The following LEF1 variants were observed in gnomAD, a reference collection of about 807,000 sequenced individuals.
LEF1 encodes the protein lymphoid enhancer binding factor 1.
LEF1 carries 14 observed loss-of-function variants against 51.2 expected under a neutral mutation model. The ratio of observed to expected loss-of-function variants is 0.27; its 90% CI spans 0.18 to 0.43. The LOEUF is 0.43. LEF1 is among the 20% of genes least tolerant of loss of function. The pLI, the probability that LEF1 is intolerant of heterozygous loss-of-function variation, is 1.00. For synonymous variants in LEF1, 185 were observed against 183.2 expected, an observed-to-expected ratio of 1.01 and a Z score of -0.08; for missense variants, 386 against 512.0, an observed-to-expected ratio of 0.75 and a Z score of 2.37.
At chr4:108,112,160 C>T (rs1038932299) in intron 3 of LEF1, among the ~76,000 whole-genome samples, 1 of 152,188 alleles carries the variant, frequency 6.6e-6, no homozygotes, top group African/African-American at 2.4e-5. Flanking sequence ...TTGATACACA[C>T]TGTGTGGCTG....
At chr4:108,125,673 T>C (rs1742480527) in intron 3 of LEF1, among the ~76,000 whole-genome samples, 1 of 152,114 alleles carries the variant, frequency 6.6e-6, no homozygotes, top group African/African-American at 2.4e-5. Context: ...CAACTTTAAG[T>C]TCTAGAAAAA....
chr4:108,062,108 T>C (rs1378824732), intron 11 of LEF1, among the ~76,000 whole-genome samples: 1 of 152,180 alleles, frequency 6.6e-6, no homozygotes, highest in African/African-American at 2.4e-5. Context: ...ATATTCCCCT[T>C]TTCCAGGTAA....
chr4:108,111,006 A>G (rs542660386), intron 3 of LEF1, among the ~76,000 whole-genome samples: 2 of 152,208 alleles, frequency 1.3e-5, no homozygotes, highest in Non-Finnish European at 2.9e-5. Context: ...AAGATGACCT[A>G]ACAATTGGGT....
intron 3 of LEF1, among the ~76,000 whole-genome samples, chr4:108,093,126 G>C (rs1231356570): frequency 6.6e-6 from 1 of 152,022 alleles, no homozygotes; most frequent in Non-Finnish European, 1.5e-5. Flanking sequence ...TGGAAGCCGA[G>C]AAACAGAGGT....
intron 3 of LEF1, among the ~76,000 whole-genome samples, chr4:108,094,970 C>G (rs1032328006): frequency 2.0e-5 from 3 of 152,158 alleles, no homozygotes; most frequent in African/African-American, 7.2e-5. Flanking sequence ...AGATTTACTC[C>G]AAAAGGATAC....
At chr4:108,155,426 A>G (rs1348219905) in intron 3 of LEF1, among the ~76,000 whole-genome samples, 1 of 152,182 alleles carries the variant, frequency 6.6e-6, no homozygotes, top group Non-Finnish European at 1.5e-5. Flanking sequence ...ATTCCCCTGA[A>G]TTTTTATTTA....
intron 3 of LEF1, among the ~76,000 whole-genome samples, chr4:108,091,446 G>T (rs373043776): frequency 3.1e-4 from 5 of 16,328 alleles, no homozygotes; most frequent in Non-Finnish European, 5.4e-4. Flanking sequence ...AGAAACTTAC[G>T]GGGGGGGGAA....
intron 3 of LEF1, among the ~76,000 whole-genome samples, chr4:108,149,799 G>A (rs905462730): frequency 6.6e-6 from 1 of 151,670 alleles, no homozygotes; most frequent in African/African-American, 2.4e-5. Flanking sequence ...TTACAAAAAC[G>A]TTTGTATTAC....
In LEF1 at chr4:108,099,574, A is replaced by ATATGTGTG. The variant is rs1740644926; in HGVS notation, c.415-10318_415-10317insCACACATA. 8.8e-4 allele frequency among the ~76,000 whole-genome samples: 22 copies of ATATGTGTG among 24,934 alleles called. 2 individuals are homozygous for ATATGTGTG. Among genetic ancestry groups the ATATGTGTG allele is most frequent in the African/African-American group, 5.8e-3 (21 of 3,650 alleles). 16.4% of individuals were successfully genotyped at this position (24,934 alleles called of 152,430 possible). Reference sequence around the variant, plus strand: ...TGTGTGTATGTGTGTGTGTGTGTATATATATATATATATATATATATATAT... The same window carrying ATATGTGTG: ...TGTGTGTATGTGTGTGTGTGTGTATATATGTGTGTATATATATATATATATATATATAT... On this transcript the variant is annotated intron_variant, in intron 3 of 11. Transcript: ENST00000265165.
At chr4:108,052,737 G>A (rs927928534) in intron 11 of LEF1, among the ~76,000 whole-genome samples, 1 of 152,168 alleles carries the variant, frequency 6.6e-6, no homozygotes, top group African/African-American at 2.4e-5. Flanking sequence ...GTGCTGGGCT[G>A]TTCCCCAGGC....
In LEF1 at chr4:108,069,020, G is replaced by A. The variant is rs9999575; in HGVS notation, c.1116+1643C>T. 4.3e-3 allele frequency among the ~76,000 whole-genome samples: 660 copies of A among 152,270 alleles called. 3 individuals are homozygous for A. The highest frequency in any genetic ancestry group is 0.015 in the African/African-American group (626 of 41,554). On this transcript the variant is annotated intron_variant, in intron 9 of 11. Transcript: ENST00000265165. ...TGAAATTCTAACCCCCAATGTGATGGTATAATGAGGGAGAGTCTTTGGGAG... is the reference window on the plus strand; with the variant it reads ...TGAAATTCTAACCCCCAATGTGATGATATAATGAGGGAGAGTCTTTGGGAG...
At chr4:108,126,218 G>C (rs984628926) in intron 3 of LEF1, among the ~76,000 whole-genome samples, 2 of 152,046 alleles carry the variant, frequency 1.3e-5, no homozygotes, top group African/African-American at 4.8e-5. Flanking sequence ...AAAAACCAGA[G>C]ATTTCATGGA....
rs1738355389 is a variant in LEF1, at chr4:108,070,017, A to C, written c.1116+646T>G. Among the ~76,000 whole-genome samples, 3 of 152,074 alleles carry C rather than the reference A, an allele frequency of 2.0e-5. No homozygotes were observed. The South Asian group carries it at 6.2e-4, about 31-fold the overall frequency. On this transcript the variant is annotated intron_variant, in intron 9 of 11. Coordinates refer to ENST00000265165, the MANE Select transcript of LEF1 (RefSeq NM_016269.5). Reference sequence around the variant, plus strand: ...ATTTATATCCTTTACCTCCACAATGAATCTATTCAACATAAATAATAGCCC... The same window carrying C: ...ATTTATATCCTTTACCTCCACAATGCATCTATTCAACATAAATAATAGCCC...
chr4:108,151,692 C>T (rs748326819), intron 3 of LEF1, among the ~76,000 whole-genome samples: 66 of 152,116 alleles, frequency 4.3e-4, no homozygotes, highest in South Asian at 6.2e-4. Context: ...AATGGGCTAA[C>T]GCACAGAAGG....
chr4:108,079,617 G>C lies in LEF1; in HGVS notation c.723-3C>G. 1 of 1,614,044 alleles carries C rather than the reference G, an allele frequency of 6.2e-7. No individual in the cohort carries two copies. The highest frequency in any genetic ancestry group is 8.5e-7 in the Non-Finnish European group (1 of 1,179,972). On this transcript the variant is annotated splice_polypyrimidine_tract_variant and splice_region_variant and intron_variant, in intron 6 of 11. Transcript: ENST00000265165. ...CGGGAATCATATGATGGGAAAACCTGAAAGGAGGAAAGAGAAGAAAACAAT... is the reference window on the plus strand; with the variant it reads ...CGGGAATCATATGATGGGAAAACCTCAAAGGAGGAAAGAGAAGAAAACAAT...
At position 108,163,826 on chromosome 4, in the gene LEF1, T is replaced by G. The variant is rs1171057136; in HGVS notation, c.281-125A>C. On this transcript the variant is annotated intron_variant, in intron 2 of 11. Coordinates refer to ENST00000265165, the MANE Select transcript of LEF1 (RefSeq NM_016269.5). ...CTACATAAAAGATTTGTTTACAAAA[T>G]ACTGTAACTGGATTATTATGCTCTA... 5 of 949,794 alleles carry G rather than the reference T, an allele frequency of 5.3e-6. No individual in the cohort carries two copies. In the Admixed American group the frequency reaches 1.5e-4, roughly 29 times the overall value. The allele number at this position is 949,794 out of a possible 1,614,324, so 58.8% of individuals were successfully genotyped here.
intron 11 of LEF1, among the ~76,000 whole-genome samples, chr4:108,061,440 ACT>A (rs1323106073): frequency 6.6e-6 from 1 of 152,062 alleles, no homozygotes; most frequent in African/African-American, 2.4e-5. Flanking sequence ...CGACTACCAA[ACT>A]CTGAAATACA....
intron 9 of LEF1, among the ~76,000 whole-genome samples, chr4:108,069,547 A>C (rs981493069): frequency 1.3e-5 from 2 of 152,262 alleles, no homozygotes; most frequent in Non-Finnish European, 1.5e-5. Flanking sequence ...AACATGAAAA[A>C]AGATTTTTTT....
chr4:108,113,526 G>C (rs1037844784), intron 3 of LEF1, among the ~76,000 whole-genome samples: 2 of 152,162 alleles, frequency 1.3e-5, no homozygotes, highest in African/African-American at 4.8e-5. Flanking sequence ...GTACAGTCAG[G>C]CTCACCTAAA....
Sources: allele counts gnomAD v4.1 joint callset (sites outside exome capture counted in the v4.1 genomes callset), GRCh38; gene constraint gnomAD v4.1.1; transcripts MANE v1.5; gene names NCBI Gene and HGNC (gene_info 2026-07-23, HGNC 2026-07-21).